The following ALKBH8 variants were observed in gnomAD, a reference collection of about 807,000 sequenced individuals.
ALKBH8 encodes the protein alkB homolog 8, tRNA methyltransferase.
ALKBH8 carries 36 observed loss-of-function variants against 59.8 expected under a neutral mutation model. The ratio of observed to expected loss-of-function variants is 0.60; its 90% CI spans 0.46 to 0.79. The LOEUF (loss-of-function observed/expected upper bound fraction) is 0.79, where lower values mean the gene tolerates loss of function less well. Ranked by LOEUF, ALKBH8 falls within the 30% of genes least tolerant of loss-of-function variation. The pLI, the probability that ALKBH8 is intolerant of heterozygous loss-of-function variation, is 0.00. For missense variants in ALKBH8, 768 were observed against 801.0 expected, an observed-to-expected ratio of 0.96 and a Z score of 0.50; for synonymous variants, 276 against 273.6, an observed-to-expected ratio of 1.01 and a Z score of -0.09.
chr11:107,565,565 C>T (rs923282252), intron 1 of ALKBH8, 36 bp downstream of exon 1: 32 of 1,535,480 alleles, frequency 2.1e-5, no homozygotes, highest in Non-Finnish European at 2.8e-5. Flanking sequence ...CGGTGATTTG[C>T]TGCCCGTATG....
At chr11:107,562,341 C>T (rs1160856251) in intron 1 of ALKBH8, among the ~76,000 whole-genome samples, 1 of 150,850 alleles carries the variant, frequency 6.6e-6, no homozygotes, top group East Asian at 1.9e-4. Flanking sequence ...TTGGGAAGGC[C>T]TCAAAACAGG....
intron 1 of ALKBH8, chr11:107,565,365 A>C: frequency 3.4e-6 from 2 of 590,870 alleles, no homozygotes. Flanking sequence ...AGATTGACAC[A>C]GGCACCACGT....
chr11:107,552,020 C>A, intron 5 of ALKBH8, 108 bp from the exon 6 acceptor site: 1 of 479,606 alleles, frequency 2.1e-6, no homozygotes, highest in Non-Finnish European at 3.3e-6. Context: ...TTTAATTTAG[C>A]AGTCAGGTCC....
At chr11:107,514,588 T>C (rs950762089) in intron 10 of ALKBH8, among the ~76,000 whole-genome samples, 3 of 152,212 alleles carry the variant, frequency 2.0e-5, no homozygotes, top group African/African-American at 4.8e-5. Context: ...GTAAGATACA[T>C]GCCTGGATTC....
chr11:107,545,451 G>C (rs1302203282), intron 7 of ALKBH8, among the ~76,000 whole-genome samples: 4 of 152,128 alleles, frequency 2.6e-5, no homozygotes, highest in African/African-American at 4.8e-5. Flanking sequence ...ACTCAACATA[G>C]GAGTCAGGCA....
chr11:107,543,005 G>T (rs190074745), intron 7 of ALKBH8, among the ~76,000 whole-genome samples: 4 of 152,162 alleles, frequency 2.6e-5, no homozygotes, highest in Non-Finnish European at 4.4e-5. Context: ...ATTTTGTTCC[G>T]TATGGGAGAA....
At chr11:107,516,310 C>T (rs1181011135) in intron 10 of ALKBH8, among the ~76,000 whole-genome samples, 1 of 152,172 alleles carries the variant, frequency 6.6e-6, no homozygotes, top group Non-Finnish European at 1.5e-5. Flanking sequence ...CCAAACAGAA[C>T]ACAACCAAAT....
chr11:107,521,100 A>G (rs636820), intron 10 of ALKBH8, among the ~76,000 whole-genome samples: 142,523 of 152,206 alleles, frequency 0.94, 66,876 homozygotes, highest in South Asian at 0.97. Context: ...TTGAACTTCT[A>G]CAGATTTTGG....
chr11:107,548,160 CA>C (rs1479449724), intron 7 of ALKBH8, among the ~76,000 whole-genome samples: 1 of 152,236 alleles, frequency 6.6e-6, no homozygotes, highest in African/African-American at 2.4e-5. Context: ...CCTTTCCTCT[CA>C]TTTTCAGAGC....
chr11:107,535,655 G>A (rs538617490), intron 7 of ALKBH8, among the ~76,000 whole-genome samples: 2 of 152,002 alleles, frequency 1.3e-5, no homozygotes, highest in Non-Finnish European at 2.9e-5. Flanking sequence ...TTGAACTTGT[G>A]TTAAATGAAG....
intron 3 of ALKBH8, among the ~76,000 whole-genome samples, chr11:107,556,429 A>G (rs1345963072): frequency 6.6e-6 from 1 of 152,238 alleles, no homozygotes; most frequent in Non-Finnish European, 1.5e-5. Flanking sequence ...CTGGGTAGAT[A>G]TGTGAAATAA....
chr11:107,514,439 T>G (rs1053298870), intron 10 of ALKBH8, among the ~76,000 whole-genome samples: 3 of 152,206 alleles, frequency 2.0e-5, no homozygotes, highest in Non-Finnish European at 2.9e-5. Context: ...GCTGCTTTAA[T>G]TTTAAAGTGA....
At chr11:107,544,442 G>GAAT (rs1394568691) in intron 7 of ALKBH8, among the ~76,000 whole-genome samples, 2 of 152,156 alleles carry the variant, frequency 1.3e-5, no homozygotes, top group Non-Finnish European at 2.9e-5. Context: ...ATGCAAAAGA[G>GAAT]AATGCTGGCT....
chr11:107,524,639 A>G (rs1863274514), intron 9 of ALKBH8, among the ~76,000 whole-genome samples: 1 of 152,234 alleles, frequency 6.6e-6, no homozygotes, highest in Admixed American at 6.5e-5. Context: ...TAGTAAAATA[A>G]AAAGCTCTTT....
In ALKBH8 at chr11:107,505,106, T is replaced by C. The variant is rs753342751; in HGVS notation, c.1547A>G (p.Lys516Arg). ...MEQEYNKQKS[K>R]YLRGNRNSQG... The stretch of plus-strand genomic sequence containing the variant: ...GCTATTTCTGTTTCCTCTAAGATAC[T>C]TGGACTTCTGCTTATTATATTCTTG... Residue 516 changes from lysine to arginine, a missense_variant, in exon 12 of 12, where the codon AAG (lysine) becomes AGG (arginine). By Grantham distance (26) the Lys-to-Arg change is conservative. Coordinates refer to ENST00000428149, the MANE Select transcript of ALKBH8 (RefSeq NM_138775.3). 53 of 1,551,326 alleles carry C rather than the reference T, an allele frequency of 3.4e-5. No homozygotes were observed. Among genetic ancestry groups the C allele is most frequent in the East Asian group, 4.9e-5 (2 of 40,926 alleles).
At chr11:107,537,320 A>G (rs1324554676) in intron 7 of ALKBH8, among the ~76,000 whole-genome samples, 1 of 152,234 alleles carries the variant, frequency 6.6e-6, no homozygotes, top group Non-Finnish European at 1.5e-5. Flanking sequence ...CCCATCAATG[A>G]TAGACTAGAA....
At position 107,546,560 on chromosome 11, in the gene ALKBH8, C is replaced by A. The variant is rs77740464; in HGVS notation, c.771+3193G>T. Among the ~76,000 whole-genome samples the A allele has an allele frequency of 5.9e-5, 9 of 152,232 alleles. No individual in the cohort carries two copies. The East Asian group carries it at 1.7e-3, about 29-fold the overall frequency. On this transcript the variant is annotated intron_variant, in intron 7 of 11. Coordinates refer to ENST00000428149, the MANE Select transcript of ALKBH8 (RefSeq NM_138775.3). ...TGAGATGGAAAGAAATTGGTTGGTT[C>A]CTTGATGAAATTACCGACCTGAGCC...
intron 7 of ALKBH8, among the ~76,000 whole-genome samples, chr11:107,545,639 CG>C (rs1219678817): frequency 1.3e-5 from 2 of 152,116 alleles, no homozygotes; most frequent in African/African-American, 4.8e-5. Flanking sequence ...TACTGATGAA[CG>C]GACTTCCATA....
At position 107,505,204 on chromosome 11, in the gene ALKBH8, C is replaced by G; in HGVS notation, c.1449G>C (p.Val483=). The G allele has an allele frequency of 6.5e-7, 1 of 1,542,776 alleles. No individual in the cohort carries two copies. The highest frequency in any genetic ancestry group is 8.8e-7 in the Non-Finnish European group (1 of 1,142,544). ...GTCGAACAATTTCTTGGAGAGCTGC[C>G]ACTCTACGCTCCTAATGAAAAAAAA... ...IHHFATAERR[V]AALQEIVRLL... is the part of the protein sequence containing the mutation. Residue 483 remains valine (V), a synonymous_variant, in exon 12 of 12, where the codon GTG becomes GTC. Transcript: ENST00000428149.
Sources: allele counts gnomAD v4.1 joint callset (sites outside exome capture counted in the v4.1 genomes callset), GRCh38; gene constraint gnomAD v4.1.1; transcripts MANE v1.5; gene names NCBI Gene and HGNC (gene_info 2026-07-23, HGNC 2026-07-21).